SETD5: variants seen among roughly 807,000 people sequenced by gnomAD.
SETD5 encodes the protein histone-lysine N-methyltransferase SETD5.
SETD5 carries 44 observed loss-of-function variants against 153.3 expected under a neutral mutation model. That is an observed-to-expected ratio of 0.29 (90% CI 0.23 to 0.37). The LOEUF is 0.37. SETD5 is among the 10% of genes least tolerant of loss of function. The probability of loss-of-function intolerance (pLI) is 1.00; values close to 1 mark genes in which losing one functional copy is unlikely to be tolerated. For missense variants in SETD5, 1,544 were observed against 1,768.0 expected (o/e 0.87, Z 2.27); for synonymous variants, 716 against 645.2 (o/e 1.11, Z -1.66).
chr3:9,468,250 A>G (rs1236216662), intron 18 of SETD5, among the ~76,000 whole-genome samples: 1 of 152,064 alleles, frequency 6.6e-6, no homozygotes, highest in African/African-American at 2.4e-5. Flanking sequence ...CTTTCCTTGT[A>G]TGTGCTTGAG....
intron 1 of SETD5, among the ~76,000 whole-genome samples, chr3:9,423,700 A>G (rs542135922): frequency 4.1e-4 from 63 of 152,196 alleles, no homozygotes; most frequent in Non-Finnish European, 7.4e-4. Flanking sequence ...CATCAACATA[A>G]ATGAAATGCA....
At position 9,474,539 on chromosome 3, in the gene SETD5, G is replaced by A; in HGVS notation, c.3588G>A (p.Glu1196=). Residue 1196 remains glutamate, a synonymous_variant, in exon 21 of 23, where the codon GAG becomes GAA. Transcript: ENST00000402198. Reference sequence around the variant, plus strand: ...GCGTGAGGGTGGCCCAAAAGGGAGAGCCCTCTCCCACATGGGAGAGTAACA... The same window carrying A: ...GCGTGAGGGTGGCCCAAAAGGGAGAACCCTCTCCCACATGGGAGAGTAACA... ...RSSVRVAQKG[E]PSPTWESNIT... The A allele has an allele frequency of 6.2e-7, 1 of 1,613,882 alleles. No individual in the cohort carries two copies. The highest frequency in any genetic ancestry group is 8.5e-7 in the Non-Finnish European group (1 of 1,179,878).
chr3:9,465,343 A>G (rs1481170117), intron 18 of SETD5, among the ~76,000 whole-genome samples: 2 of 152,218 alleles, frequency 1.3e-5, no homozygotes, highest in Non-Finnish European at 2.9e-5. Context: ...AGTAATCTTG[A>G]ATCACTTTAG....
chr3:9,417,625 A>G (rs1469428454), intron 1 of SETD5, among the ~76,000 whole-genome samples: 2 of 151,252 alleles, frequency 1.3e-5, no homozygotes, highest in Admixed American at 6.6e-5. Context: ...AGCTGAGACT[A>G]CAGGCGCCCA....
rs2040338429 is a variant in SETD5, at chr3:9,434,522, G to T, written c.329+37G>T. The T allele has an allele frequency of 1.2e-6, 2 of 1,612,926 alleles. No homozygotes were observed. Among genetic ancestry groups the T allele is most frequent in the Middle Eastern group, 1.7e-4 (1 of 6,056 alleles). On this transcript the variant is annotated intron_variant, in intron 5 of 22. Coordinates refer to ENST00000402198, the MANE Select transcript of SETD5 (RefSeq NM_001080517.3). The surrounding 1 kb of genome is among the most constrained non-coding windows in gnomAD (Gnocchi z 5.6). The stretch of plus-strand genomic sequence containing the variant: ...TTCCATCTAAATTTAAGTCTGGGTT[G>T]CTGGGATTAGGGTTTCTTACAAGTA...
At chr3:9,408,123 C>G (rs2036008422) in intron 1 of SETD5, among the ~76,000 whole-genome samples, 2 of 152,168 alleles carry the variant, frequency 1.3e-5, no homozygotes, top group Admixed American at 6.5e-5. Flanking sequence ...TCAAAAATGT[C>G]TCAATTTGGA....
chr3:9,421,991 T>C lies in SETD5; in HGVS notation c.-176-2476T>C, dbSNP rs370006049. 3.5e-4 allele frequency among the ~76,000 whole-genome samples: 54 copies of C among 152,316 alleles called. 1 individual carries two copies. The South Asian group carries it at 0.011, about 30-fold the overall frequency. Reference sequence around the variant, plus strand: ...TTGGTTAGTCATGACTTTTGGCTAGTTGAAGTTTAGAGAAGTGCTTTATAC... The same window carrying C: ...TTGGTTAGTCATGACTTTTGGCTAGCTGAAGTTTAGAGAAGTGCTTTATAC... On this transcript the variant is annotated intron_variant, in intron 1 of 22. Coordinates refer to ENST00000402198, the MANE Select transcript of SETD5 (RefSeq NM_001080517.3).
chr3:9,434,420 T>C lies in SETD5; in HGVS notation c.264T>C (p.Thr88=), dbSNP rs769186955. The part of the protein sequence containing the change: ...CGDSPNSEGE[T]VPTWCPCGLS... ...ACAGCCCGAACTCTGAAGGAGAAACTGTACCTACCTGGTGTCCTTGTGGTC... is the reference window on the plus strand; with the variant it reads ...ACAGCCCGAACTCTGAAGGAGAAACCGTACCTACCTGGTGTCCTTGTGGTC... The change falls in exon 5 of 23, where the codon ACT becomes ACC. Residue 88 remains threonine (T), a synonymous_variant. Transcript: ENST00000402198. The surrounding 1 kb of genome is among the most constrained non-coding windows in gnomAD (Gnocchi z 5.6). The C allele has an allele frequency of 2.5e-6, 4 of 1,613,858 alleles. No individual in the cohort carries two copies. The Admixed American group carries it at 5.0e-5, about 20-fold the overall frequency.
intron 9 of SETD5, 82 bp from the exon 10 acceptor site, chr3:9,442,046 C>G (rs1477570224): frequency 4.3e-6 from 4 of 928,784 alleles, no homozygotes; most frequent in African/African-American, 1.6e-5. Flanking sequence ...CTGCTTCTCT[C>G]AGCATATGCT....
Position 9,445,160 on chromosome 3 carries a change from A to T in SETD5, c.1300A>T (p.Thr434Ser). ...PLLPPPPSLP[T>S]IGAETRRRKA... ...CCTACCACCTCCTCCAAGCCTACCC[A>T]CCATTGGAGCAGAGACTAGACGTAG... The change falls in exon 12 of 23, where the codon ACC becomes TCC. Residue 434 changes from threonine (T) to serine (S), a missense_variant. Around this residue, in one of 9 missense-constraint regions of SETD5, gnomAD observed 782 missense variants for 787.2 expected, o/e 0.99. Coordinates refer to ENST00000402198, the MANE Select transcript of SETD5 (RefSeq NM_001080517.3). 6.2e-7 allele frequency: 1 copy of T among 1,613,992 alleles called. No individual in the cohort carries two copies. The highest frequency in any genetic ancestry group is 1.1e-5 in the South Asian group (1 of 91,082).
chr3:9,419,390 T>A (rs1418144880), intron 1 of SETD5, among the ~76,000 whole-genome samples: 1 of 152,148 alleles, frequency 6.6e-6, no homozygotes, highest in Non-Finnish European at 1.5e-5. Context: ...TTGTCTTACA[T>A]AGCACCAATT....
intron 1 of SETD5, among the ~76,000 whole-genome samples, chr3:9,416,988 T>C (rs1411389065): frequency 6.6e-6 from 1 of 151,978 alleles, no homozygotes; most frequent in Non-Finnish European, 1.5e-5. Context: ...GTAAACAAAG[T>C]TTTGAAGGAG....
intron 1 of SETD5, among the ~76,000 whole-genome samples, chr3:9,412,543 C>T (rs2036764713): frequency 6.6e-6 from 1 of 151,952 alleles, no homozygotes; most frequent in South Asian, 2.1e-4. Flanking sequence ...GCTAGGACTA[C>T]AGGTATGTGC....
intron 7 of SETD5, among the ~76,000 whole-genome samples, chr3:9,439,179 A>G (rs1446495560): frequency 6.6e-6 from 1 of 152,208 alleles, no homozygotes; most frequent in Admixed American, 6.5e-5. Flanking sequence ...CGCAACTGCT[A>G]CTGATGTCAA....
intron 17 of SETD5, among the ~76,000 whole-genome samples, chr3:9,461,306 G>C (rs1162284747): frequency 6.6e-6 from 1 of 152,164 alleles, no homozygotes; most frequent in Non-Finnish European, 1.5e-5. Context: ...CATTAAACCT[G>C]AACTGTAGAT....
intron 1 of SETD5, among the ~76,000 whole-genome samples, chr3:9,403,710 C>CTG (rs2035200977): frequency 6.6e-6 from 1 of 152,100 alleles, no homozygotes; most frequent in African/African-American, 2.4e-5. Context: ...AGCTCGCATA[C>CTG]AAGTGGGATA....
In SETD5 at chr3:9,443,369, C is replaced by A; in HGVS notation, c.1139C>A (p.Thr380Asn). 1 of 1,505,968 alleles carries A rather than the reference C, an allele frequency of 6.6e-7. No individual in the cohort carries two copies. The highest frequency in any genetic ancestry group is 8.9e-7 in the Non-Finnish European group (1 of 1,126,258). The allele number at this position is 1,505,968 out of a possible 1,614,324, so 93.3% of individuals were successfully genotyped here. Residue 380 changes from threonine to asparagine, a missense_variant, in exon 11 of 23, where the codon ACC (threonine) becomes AAC (asparagine). By Grantham distance (65) the Thr-to-Asn change is moderately conservative. Transcript: ENST00000402198. Reference protein sequence around the residue: ...HLCIYAVSAITKDAEVTIAFD... With the variant: ...HLCIYAVSAINKDAEVTIAFD... The stretch of plus-strand genomic sequence containing the variant: ...TGCATCTATGCTGTGTCTGCCATCA[C>A]CAAGGATGCTGAGGTCACCATAGCA...
At chr3:9,426,572 T>C (rs2039283513) in intron 2 of SETD5, among the ~76,000 whole-genome samples, 1 of 152,014 alleles carries the variant, frequency 6.6e-6, no homozygotes, top group South Asian at 2.1e-4. Flanking sequence ...TTTGTGTTTT[T>C]AGTAGAGAAG....
chr3:9,456,985 A>T (rs1361423252), intron 17 of SETD5, among the ~76,000 whole-genome samples: 1 of 151,926 alleles, frequency 6.6e-6, no homozygotes, highest in Non-Finnish European at 1.5e-5. Flanking sequence ...AAAAAGAAAG[A>T]AAGAAAGAAA....
Sources: gnomAD v4.1 joint callset for allele counts (sites outside exome capture counted in the v4.1 genomes callset) on GRCh38, gnomAD v4.1.1 for gene constraint, gnomAD v4.1.1 regional missense constraint, Gnocchi (gnomAD v3.1) non-coding constraint, MANE v1.5 for transcripts, NCBI Gene and HGNC (gene_info 2026-07-23, HGNC 2026-07-21) for gene names.